VSIG10: variants seen among roughly 807,000 people sequenced by gnomAD.
The protein encoded by VSIG10 is V-set and immunoglobulin domain containing 10, also known as V-set and immunoglobulin domain-containing protein 10.
Under a neutral mutation model 58.7 loss-of-function variants are expected in VSIG10, and 48 were observed. The ratio of observed to expected loss-of-function variants is 0.82; its 90% CI spans 0.65 to 1.04. VSIG10 has a LOEUF of 1.04. VSIG10 is among the 50% of genes least tolerant of loss of function. VSIG10 has a pLI of 0.00. For synonymous variants in VSIG10, 260 were observed against 267.1 expected, an observed-to-expected ratio of 0.97 and a Z score of 0.26; for missense variants, 628 against 670.0, an observed-to-expected ratio of 0.94 and a Z score of 0.69.
chr12:118,088,730 G>T (rs2033206266), intron 2 of VSIG10, among the ~76,000 whole-genome samples: 1 of 152,128 alleles, frequency 6.6e-6, no homozygotes, highest in Non-Finnish European at 1.5e-5. Flanking sequence ...ATGAGAACCA[G>T]GAGACCAACC....
intron 3 of VSIG10, among the ~76,000 whole-genome samples, chr12:118,081,738 C>T (rs1404027655): frequency 6.6e-6 from 1 of 151,978 alleles, no homozygotes; most frequent in South Asian, 2.1e-4. Flanking sequence ...AATGGGAGGC[C>T]GGGCGCAGTG....
At chr12:118,100,460 G>T (rs1379277492) in intron 1 of VSIG10, among the ~76,000 whole-genome samples, 1 of 151,982 alleles carries the variant, frequency 6.6e-6, no homozygotes, top group Non-Finnish European at 1.5e-5. Context: ...TCGCACCATT[G>T]CATTCCAGCC....
At chr12:118,077,914 A>G (rs1265662697) in intron 4 of VSIG10, among the ~76,000 whole-genome samples, 2 of 152,170 alleles carry the variant, frequency 1.3e-5, no homozygotes, top group African/African-American at 4.8e-5. Flanking sequence ...CCCAATGCCC[A>G]CTGTGCCCTC....
rs375966115 is a variant in VSIG10, at chr12:118,089,464, A to G, written c.361+6069T>C. Among the ~76,000 whole-genome samples the G allele has an allele frequency of 1.1e-4, 16 of 152,326 alleles. No homozygotes were observed. The East Asian group carries it at 1.2e-3, about 11-fold the overall frequency. On this transcript the variant is annotated intron_variant, in intron 2 of 8. Coordinates refer to ENST00000359236, the MANE Select transcript of VSIG10 (RefSeq NM_019086.6). ...TGTCGCCTTACCCCACTGTGGATAA[A>G]AGATAAGGTTATTCATTGATGAGAT...
rs2032204540 is a variant in VSIG10, at chr12:118,065,163, C to A, written c.*1476G>T. 1 of 152,216 alleles carries A rather than the reference C, an allele frequency of 6.6e-6. No individual in the cohort carries two copies. Among genetic ancestry groups the A allele is most frequent in the Non-Finnish European group, 1.5e-5 (1 of 68,048 alleles). The allele number at this position is 152,216 out of a possible 1,614,324, so 9.4% of individuals were successfully genotyped here. ...TTGATCAGTGTACCCTCAGAATATCCTTAAGAAGCAGGAAGGAAACAAGTT... is the reference window on the plus strand; with the variant it reads ...TTGATCAGTGTACCCTCAGAATATCATTAAGAAGCAGGAAGGAAACAAGTT... On this transcript the variant is annotated 3_prime_UTR_variant, in exon 9 of 9. Coordinates refer to ENST00000359236, the MANE Select transcript of VSIG10 (RefSeq NM_019086.6).
At chr12:118,073,174 A>T (rs983821820) in intron 5 of VSIG10, among the ~76,000 whole-genome samples, 2 of 152,000 alleles carry the variant, frequency 1.3e-5, no homozygotes, top group African/African-American at 2.4e-5. Flanking sequence ...TGATCTGCCC[A>T]TCTCAGCCTC....
At chr12:118,086,440 C>A (rs751703455) in intron 2 of VSIG10, among the ~76,000 whole-genome samples, 78 of 151,688 alleles carry the variant, frequency 5.1e-4, no homozygotes, top group Non-Finnish European at 9.3e-4. Context: ...TGTGGGTGAC[C>A]AAGTAAAACT....
chr12:118,077,147 CT>C (rs2032760841), intron 4 of VSIG10, among the ~76,000 whole-genome samples: 1 of 152,154 alleles, frequency 6.6e-6, no homozygotes, highest in Non-Finnish European at 1.5e-5. Context: ...CTCCACCCAG[CT>C]TTATCAGTAC....
intron 5 of VSIG10, among the ~76,000 whole-genome samples, chr12:118,073,213 C>T (rs922112066): frequency 2.6e-5 from 4 of 152,120 alleles, no homozygotes; most frequent in African/African-American, 9.7e-5. Context: ...TTAGTAAAGA[C>T]GAGGTTTCAC....
chr12:118,087,787 G>A (rs964208941), intron 2 of VSIG10, among the ~76,000 whole-genome samples: 3 of 131,258 alleles, frequency 2.3e-5, no homozygotes, highest in Admixed American at 9.5e-5. Flanking sequence ...GTAGTGAGCC[G>A]AAATCACACC....
chr12:118,068,609 AG>A lies in VSIG10; in HGVS notation c.1347-13del. On this transcript the variant is annotated splice_polypyrimidine_tract_variant and intron_variant, in intron 7 of 8. Coordinates refer to ENST00000359236, the MANE Select transcript of VSIG10 (RefSeq NM_019086.6). ...CCATGTTTTGTCCCCTAATTTCCAA[AG>A]GGGAAAAATAATCAAGAAGATTTCT... is the stretch of plus-strand genomic sequence containing the variant. The A allele has an allele frequency of 6.5e-7, 1 of 1,527,252 alleles. No individual in the cohort carries two copies. Among genetic ancestry groups the A allele is most frequent in the Non-Finnish European group, 8.8e-7 (1 of 1,133,792 alleles). The allele number at this position is 1,527,252 out of a possible 1,614,324, so 94.6% of individuals were successfully genotyped here. A position where few individuals can be genotyped will look rare whatever the true frequency, so the allele number is the denominator to read the frequency against.
chr12:118,096,159 C>T (rs2137948687), intron 1 of VSIG10, among the ~76,000 whole-genome samples: 1 of 151,644 alleles, frequency 6.6e-6, no homozygotes, highest in South Asian at 2.1e-4. Flanking sequence ...GAACTCCTGA[C>T]CTCAGGAAAA....
intron 2 of VSIG10, among the ~76,000 whole-genome samples, chr12:118,084,370 C>T (rs2033055453): frequency 6.6e-6 from 1 of 152,226 alleles, no homozygotes; most frequent in South Asian, 2.1e-4. Context: ...GAATTTTATT[C>T]GAAAATGACT....
intron 1 of VSIG10, among the ~76,000 whole-genome samples, chr12:118,099,571 G>A (rs1471439213): frequency 6.6e-6 from 1 of 152,206 alleles, no homozygotes; most frequent in East Asian, 1.9e-4. Flanking sequence ...CCACAATCAA[G>A]ACCCAATACA....
At chr12:118,085,848 G>A (rs1218681536) in intron 2 of VSIG10, among the ~76,000 whole-genome samples, 12 of 117,360 alleles carry the variant, frequency 1.0e-4, no homozygotes, top group Admixed American at 5.8e-4. Flanking sequence ...GCGAGACTTC[G>A]TCTCAAAAAA....
chr12:118,080,649 A>G (rs2137894105), intron 3 of VSIG10, among the ~76,000 whole-genome samples: 1 of 152,304 alleles, frequency 6.6e-6, no homozygotes, highest in African/African-American at 2.4e-5. Context: ...TGAACAAATA[A>G]ATTGTGGTCC....
At chr12:118,090,755 C>T (rs1473881604) in intron 2 of VSIG10, among the ~76,000 whole-genome samples, 1 of 152,122 alleles carries the variant, frequency 6.6e-6, no homozygotes. Context: ...TGGGCTCAAG[C>T]GATCCTCCCA....
intron 2 of VSIG10, among the ~76,000 whole-genome samples, chr12:118,092,977 C>T (rs1001629831): frequency 3.3e-5 from 5 of 151,264 alleles, no homozygotes; most frequent in Non-Finnish European, 5.9e-5. Flanking sequence ...TTTTTTCCAA[C>T]CATTTAAAAA....
chr12:118,084,043 C>T (rs940865318), intron 2 of VSIG10, among the ~76,000 whole-genome samples: 2 of 151,762 alleles, frequency 1.3e-5, no homozygotes, highest in Non-Finnish European at 2.9e-5. Context: ...TCACTTCAGC[C>T]CAGGAGGTGG....
Sources: gnomAD v4.1 joint callset for allele counts (sites outside exome capture counted in the v4.1 genomes callset) on GRCh38, gnomAD v4.1.1 for gene constraint, MANE v1.5 for transcripts, NCBI Gene and HGNC (gene_info 2026-07-23, HGNC 2026-07-21) for gene names.